Variants in SNTG2 observed in about 807,000 individuals in gnomAD.
SNTG2 encodes the protein syntrophin gamma 2.
In SNTG2, 74 loss-of-function variants were observed where a neutral mutation model predicts 70.9. The ratio of observed to expected loss-of-function variants is 1.04; its 90% CI spans 0.86 to 1.27. SNTG2 has a LOEUF of 1.27. Among genes scored for constraint, SNTG2 ranks in the 50% most tolerant of loss-of-function variants. The pLI is 0.00. For synonymous variants in SNTG2, 278 were observed against 273.8 expected, an observed-to-expected ratio of 1.02 and a Z score of -0.15; for missense variants, 717 against 690.7, an observed-to-expected ratio of 1.04 and a Z score of -0.43.
At chr2:1,308,700 TATCGTGC>T in intron 15 of SNTG2, 114 bp downstream of exon 15, 1 of 871,144 alleles carries the variant, frequency 1.1e-6, no homozygotes, top group Non-Finnish European at 1.8e-6. Flanking sequence ...CTGGATTGTG[TATCGTGC>T]AGAGGCCTTG....
chr2:1,027,246 C>T (rs940579514), intron 1 of SNTG2, among the ~76,000 whole-genome samples: 45 of 152,176 alleles, frequency 3.0e-4, no homozygotes, highest in African/African-American at 8.9e-4. Context: ...ACTCATGCAT[C>T]TCTGTTGAGT....
At chr2:1,117,975 C>T (rs1667143323) in intron 4 of SNTG2, among the ~76,000 whole-genome samples, 1 of 152,128 alleles carries the variant, frequency 6.6e-6, no homozygotes, top group Non-Finnish European at 1.5e-5. Context: ...CCCCTTATCT[C>T]CCAGGGCCAT....
chr2:1,018,671 G>T (rs755674638), intron 1 of SNTG2, among the ~76,000 whole-genome samples: 10 of 152,296 alleles, frequency 6.6e-5, no homozygotes, highest in Non-Finnish European at 1.3e-4. Context: ...GCTGTGCTCT[G>T]CAGGGAAATA....
Position 996,673 on chromosome 2 carries a change from G to GTTTTTTTTTTTTTTTTTTTTTTTTTTTTT in SNTG2, c.72+45608_72+45636dup. Among the ~76,000 whole-genome samples, 29 of 35,096 alleles carry GTTTTTTTTTTTTTTTTTTTTTTTTTTTTT rather than the reference G, an allele frequency of 8.3e-4. 7 individuals are homozygous for GTTTTTTTTTTTTTTTTTTTTTTTTTTTTT. The highest frequency in any genetic ancestry group is 2.5e-3 in the East Asian group (2 of 798). 23.0% of individuals were successfully genotyped at this position (35,096 alleles called of 152,430 possible). ...ATATTGCTTGTATTTGAGTTACCCA[G>GTTTTTTTTTTTTTTTTTTTTTTTTTTTTT]TTTTTTTTTTTTTTTTTTTTTTTTT... On this transcript the variant is annotated intron_variant, in intron 1 of 16. Transcript: ENST00000308624.
At position 1,084,466 on chromosome 2, in the gene SNTG2, G is replaced by A. The variant is rs116032373; in HGVS notation, c.210+811G>A. On this transcript the variant is annotated intron_variant, in intron 2 of 16. Transcript: ENST00000308624. Reference sequence around the variant, plus strand: ...TCCTTCTGTGGCTGGCACCCGGTCCGCCCTCCTGCTCCCCAACATGTCCCC... The same window carrying A: ...TCCTTCTGTGGCTGGCACCCGGTCCACCCTCCTGCTCCCCAACATGTCCCC... Among the ~76,000 whole-genome samples the A allele has an allele frequency of 6.1e-3, 933 of 152,218 alleles. 9 individuals are homozygous for A. The highest frequency in any genetic ancestry group is 0.021 in the African/African-American group (880 of 41,550).
intron 8 of SNTG2, among the ~76,000 whole-genome samples, chr2:1,198,072 A>G (rs1673039625): frequency 1.3e-5 from 2 of 152,106 alleles, no homozygotes; most frequent in Non-Finnish European, 2.9e-5. Context: ...AGCACACAGA[A>G]CTTTGCTGGG....
In SNTG2 at chr2:1,267,255, G is replaced by A. The variant is rs944019771; in HGVS notation, c.1078-110G>A. On this transcript the variant is annotated intron_variant, in intron 13 of 16. Transcript: ENST00000308624. ...AATTTGCCTCCTTGTCTGCACCCAG[G>A]AGACCGTTTCCCAGATCACGCAAAC... The A allele has an allele frequency of 6.9e-6, 7 of 1,017,610 alleles. No individual in the cohort carries two copies. The African/African-American group carries it at 9.6e-5, about 14-fold the overall frequency. The allele number at this position is 1,017,610 out of a possible 1,614,324, so 63.0% of individuals were successfully genotyped here. A position where few individuals can be genotyped will look rare whatever the true frequency, so the allele number is the denominator to read the frequency against.
chr2:1,163,241 TGTGAAGCCTCCCAACAGGAAGTAGGCAC>T (rs1342638720), intron 6 of SNTG2: 7 of 150,096 alleles, frequency 4.7e-5, no homozygotes, highest in African/African-American at 1.2e-4. Context: ...GAAGCGGGCC[TGTGAAGCCTCCCAACAGGAAGTAGGCAC>T]GTGAAGCCTC....
At chr2:1,225,503 A>G (rs1276047019) in intron 9 of SNTG2, among the ~76,000 whole-genome samples, 1 of 152,152 alleles carries the variant, frequency 6.6e-6, no homozygotes, top group Admixed American at 6.5e-5. Flanking sequence ...AGGAGGTGGA[A>G]TTGCGCATCC....
At chr2:1,184,213 T>C (rs113700338) in intron 8 of SNTG2, among the ~76,000 whole-genome samples, 11 of 152,164 alleles carry the variant, frequency 7.2e-5, no homozygotes, top group African/African-American at 1.9e-4. Flanking sequence ...GCTAAGTTGA[T>C]CCCAGCTCAC....
intron 1 of SNTG2, among the ~76,000 whole-genome samples, chr2:1,018,741 TAATA>T (rs896924161): frequency 6.6e-6 from 1 of 152,086 alleles, no homozygotes; most frequent in African/African-American, 2.4e-5. Context: ...AAAAAAAAAT[TAATA>T]ATAATAATAA....
intron 14 of SNTG2, among the ~76,000 whole-genome samples, chr2:1,288,465 C>G (rs564644926): frequency 6.6e-6 from 1 of 152,066 alleles, no homozygotes; most frequent in South Asian, 2.1e-4. Context: ...CCCAAGCTCA[C>G]CGACAAGCTA....
intron 11 of SNTG2, 36 bp from the exon 12 acceptor site, chr2:1,247,291 A>G (rs1179680048): frequency 1.6e-5 from 22 of 1,372,824 alleles, no homozygotes; most frequent in Admixed American, 1.2e-4. Context: ...GTATGCCCTC[A>G]TTAAGGCTTG....
At chr2:1,265,312 GT>G (rs1572890032) in intron 13 of SNTG2, among the ~76,000 whole-genome samples, 1 of 152,154 alleles carries the variant, frequency 6.6e-6, no homozygotes, top group African/African-American at 2.4e-5. Context: ...CTCATTTAGG[GT>G]TAGCAACGTA....
chr2:1,118,663 G>A (rs1473473844), intron 4 of SNTG2, among the ~76,000 whole-genome samples: 1 of 150,170 alleles, frequency 6.7e-6, no homozygotes. Flanking sequence ...TTAAGCAGCA[G>A]AAAAAAAAAA....
rs1476401193 is a variant in SNTG2 at position 1,244,910 on chromosome 2, C to T, written c.889-2417C>T. On this transcript the variant is annotated intron_variant, in intron 11 of 16. Transcript: ENST00000308624. ...GATTTAGATTTGAAGATATGGTCAT[C>T]ATTGTTTGTGAAACCTCGCCTAATA... Among the ~76,000 whole-genome samples the T allele has an allele frequency of 3.3e-5, 5 of 151,962 alleles. No homozygotes were observed. In the South Asian group the frequency reaches 8.3e-4, roughly 25 times the overall value.
intron 14 of SNTG2, among the ~76,000 whole-genome samples, chr2:1,280,063 A>G (rs1395513338): frequency 6.6e-6 from 1 of 152,214 alleles, no homozygotes; most frequent in Non-Finnish European, 1.5e-5. Context: ...ACAAGCTTAA[A>G]TTAATTTTCT....
chr2:1,347,095 A>G (rs1660331519), intron 16 of SNTG2, among the ~76,000 whole-genome samples: 2 of 152,256 alleles, frequency 1.3e-5, no homozygotes, highest in East Asian at 1.9e-4. Flanking sequence ...AAGAGGAAAA[A>G]AAAAGGTGAG....
At chr2:968,843 T>C (rs1660649745) in intron 1 of SNTG2, among the ~76,000 whole-genome samples, 1 of 152,228 alleles carries the variant, frequency 6.6e-6, no homozygotes, top group African/African-American at 2.4e-5. Context: ...TTGATAAGTT[T>C]ATTTTGCTAT....
Sources: gnomAD v4.1 joint callset for allele counts (sites outside exome capture counted in the v4.1 genomes callset) on GRCh38, gnomAD v4.1.1 for gene constraint, MANE v1.5 for transcripts, NCBI Gene and HGNC (gene_info 2026-07-23, HGNC 2026-07-21) for gene names.